STAG2: variants seen among roughly 807,000 people sequenced by gnomAD.
The protein encoded by STAG2 is cohesin subunit SA-2.
STAG2 carries 14 observed loss-of-function variants against 108.1 expected under a neutral mutation model. The ratio of observed to expected loss-of-function variants is 0.13; its 90% confidence interval spans 0.09 to 0.20. STAG2 has a LOEUF of 0.20. Among genes scored for constraint, STAG2 ranks in the 10% least tolerant of loss-of-function variants. The probability of loss-of-function intolerance (pLI) is 1.00; values close to 1 mark genes in which losing one functional copy is unlikely to be tolerated. For synonymous variants in STAG2, 307 were observed against 302.7 expected (o/e 1.01, Z -0.15); for missense variants, 440 against 940.9 (o/e 0.47, Z 6.96).
At chrX:124,079,072 A>G (rs946540879) in intron 27 of STAG2, among the ~76,000 whole-genome samples, 2 of 110,970 alleles carry the variant, frequency 1.8e-5, no homozygotes, top group Non-Finnish European at 3.8e-5. Flanking sequence ...TGGAGACAAA[A>G]TTTGCATGCA....
intron 1 of STAG2, among the ~76,000 whole-genome samples, chrX:123,997,306 A>G (rs1451778164): frequency 8.9e-6 from 1 of 112,544 alleles, no homozygotes; most frequent in Non-Finnish European, 1.9e-5. Context: ...GTGGTAGCAT[A>G]TATATAACAA....
rs765342832 is a variant in STAG2, at chrX:124,074,458, G to C, written c.2534-1874G>C. 6.2e-5 allele frequency among the ~76,000 whole-genome samples: 7 copies of C among 112,233 alleles called. No homozygotes were observed. The South Asian group carries it at 2.5e-3, about 41-fold the overall frequency. On this transcript the variant is annotated intron_variant, in intron 25 of 34. Transcript: ENST00000371145. ...TGCTTTTCTAGTGTATACCTGAGTG[G>C]AATTGCTAGATTATGTAGTGTGTGT...
chrX:124,047,478 A>G lies in STAG2; in HGVS notation c.792A>G (p.Leu264=). 2 of 1,208,123 alleles carry G rather than the reference A, an allele frequency of 1.7e-6. No homozygotes were observed. The highest frequency in any genetic ancestry group is 2.2e-6 in the Non-Finnish European group (2 of 894,153). ...TTGGAAAACGAGCCAATGAGAGGCT[A>G]GAACTCCTGCTACAAAAGCGGAAAG... ...KMIGKRANER[L]ELLLQKRKEL... The change falls in exon 9 of 35, where the codon CTA becomes CTG. Residue 264 remains leucine, a synonymous_variant. Coordinates refer to ENST00000371145, the MANE Select transcript of STAG2 (RefSeq NM_001042750.2).
intron 34 of STAG2, among the ~76,000 whole-genome samples, chrX:124,099,069 G>GT (rs1033903906): frequency 8.9e-6 from 1 of 111,996 alleles, no homozygotes; most frequent in African/African-American, 3.2e-5. Context: ...ATTCTCTTGT[G>GT]TTGAGATTCT....
intron 1 of STAG2, among the ~76,000 whole-genome samples, chrX:123,972,560 C>T (rs1409905626): frequency 2.6e-4 from 28 of 109,658 alleles, no homozygotes; most frequent in South Asian, 3.9e-4. Flanking sequence ...CGTGAGCCAC[C>T]GCGCCCGGCC....
chrX:123,988,651 T>G (rs2055306300), intron 1 of STAG2, among the ~76,000 whole-genome samples: 1 of 111,991 alleles, frequency 8.9e-6, no homozygotes, highest in Non-Finnish European at 1.9e-5. Flanking sequence ...TCTTTTCTGT[T>G]TCATTGCTTC....
chrX:124,090,451 T>G, intron 30 of STAG2, 124 bp from the exon 31 acceptor site: 1 of 568,519 alleles, frequency 1.8e-6, no homozygotes. Flanking sequence ...CATAGGTTTG[T>G]GTCCCCCGTT....
At chrX:124,003,593 T>C (rs1366369725) in intron 1 of STAG2, 1 of 109,768 alleles carries the variant, frequency 9.1e-6, no homozygotes, top group Non-Finnish European at 1.9e-5. Flanking sequence ...GGCAATTTTT[T>C]TTGTATTTTT....
intron 1 of STAG2, among the ~76,000 whole-genome samples, chrX:123,973,059 A>G (rs1407313451): frequency 3.7e-5 from 4 of 107,402 alleles, no homozygotes. Context: ...AAAAGAGAAA[A>G]AAAACAGTAG....
Position 124,056,246 on chromosome X carries a change from A to C in STAG2, c.1304+11A>C. 2 of 1,143,092 alleles carry C rather than the reference A, an allele frequency of 1.7e-6. No individual in the cohort carries two copies. Among genetic ancestry groups the C allele is most frequent in the Non-Finnish European group, 2.4e-6 (2 of 837,546 alleles). 94.2% of individuals were successfully genotyped at this position (1,143,092 alleles called of 1,213,427 possible). On this transcript the variant is annotated intron_variant, in intron 14 of 34. Transcript: ENST00000371145. ...ATTTCTCTACAAAAAGTAAATCTAT[A>C]TATCTGTTACTCATTTTCTAAGGCA...
intron 1 of STAG2, among the ~76,000 whole-genome samples, chrX:123,977,728 T>C (rs1181120564): frequency 9.1e-6 from 1 of 110,320 alleles, no homozygotes; most frequent in Non-Finnish European, 1.9e-5. Context: ...TCTGTTTGTG[T>C]GTGAGGAAAC....
At chrX:124,011,872 C>T (rs1318223731) in intron 1 of STAG2, among the ~76,000 whole-genome samples, 2 of 111,776 alleles carry the variant, frequency 1.8e-5, no homozygotes, top group Non-Finnish European at 3.8e-5. Flanking sequence ...ACCCAATCTC[C>T]TATTAAAGAC....
intron 34 of STAG2, among the ~76,000 whole-genome samples, chrX:124,096,724 T>C (rs1364970547): frequency 8.9e-6 from 1 of 112,163 alleles, no homozygotes; most frequent in Non-Finnish European, 1.9e-5. Flanking sequence ...TCCTTGTTCC[T>C]CACACCTACT....
chrX:124,027,274 A>G (rs1173386684), intron 4 of STAG2, among the ~76,000 whole-genome samples: 2 of 111,790 alleles, frequency 1.8e-5, no homozygotes, highest in African/African-American at 6.5e-5. Context: ...ATGGAACATA[A>G]TTTATTTAAC....
intron 15 of STAG2, among the ~76,000 whole-genome samples, chrX:124,058,840 G>A (rs915850877): frequency 1.8e-5 from 2 of 111,991 alleles, no homozygotes; most frequent in African/African-American, 6.5e-5. Context: ...TATTTAATTA[G>A]TGATCAGGCC....
intron 3 of STAG2, among the ~76,000 whole-genome samples, 171 bp from the exon 4 acceptor site, chrX:124,025,669 T>C (rs377071228): frequency 5.4e-5 from 6 of 111,619 alleles, no homozygotes; most frequent in East Asian, 2.8e-4. Context: ...CTTGTGTGTT[T>C]GGTAACGTGC....
At chrX:124,081,312 T>G (rs2058956665) in intron 27 of STAG2, 68 bp from the exon 28 acceptor site, 1 of 751,226 alleles carries the variant, frequency 1.3e-6, no homozygotes, top group African/African-American at 2.2e-5. Context: ...AATGAAAATG[T>G]AATATTTTAA....
rs2058522333 is a variant in STAG2, at chrX:124,066,170, T to C, written c.2097-5T>C. 1 of 924,066 alleles carries C rather than the reference T, an allele frequency of 1.1e-6. No individual in the cohort carries two copies. Among genetic ancestry groups the C allele is most frequent in the Admixed American group, 3.8e-5 (1 of 26,477 alleles). 76.2% of individuals were successfully genotyped at this position (924,066 alleles called of 1,213,427 possible). On this transcript the variant is annotated splice_polypyrimidine_tract_variant and splice_region_variant and intron_variant, in intron 21 of 34. Transcript: ENST00000371145. ...TTTTTTTTTTTTTTTTTTTTTTTTT[T>C]ACAGTGCCCATGACCTTTCAAAGTG...
At chrX:124,006,013 CT>C (rs766279267) in intron 1 of STAG2, among the ~76,000 whole-genome samples, 1 of 110,762 alleles carries the variant, frequency 9.0e-6, no homozygotes, top group Non-Finnish European at 1.9e-5. Context: ...GCAAATTGTC[CT>C]TTTTTTTATT....
Sources: allele counts gnomAD v4.1 joint callset (sites outside exome capture counted in the v4.1 genomes callset), GRCh38; gene constraint gnomAD v4.1.1; transcripts MANE v1.5; gene names NCBI Gene and HGNC (gene_info 2026-07-23, HGNC 2026-07-21).